Variants in FRMD5 observed in about 807,000 individuals in gnomAD.
The protein encoded by FRMD5 is FERM domain-containing protein 5.
In FRMD5, 20 loss-of-function variants were observed where a neutral mutation model predicts 69.0. That is an observed-to-expected ratio of 0.29 (90% confidence interval 0.20 to 0.42). FRMD5 has a LOEUF of 0.42. FRMD5 is among the 10% of genes least tolerant of loss of function. FRMD5 has a pLI of 1.00. For missense variants in FRMD5, 595 were observed against 708.6 expected (o/e 0.84, Z 1.82); for synonymous variants, 271 against 260.1 (o/e 1.04, Z -0.40).
intron 13 of FRMD5, among the ~76,000 whole-genome samples, chr15:43,878,381 G>T (rs1180813756): frequency 6.6e-6 from 1 of 152,208 alleles, no homozygotes; most frequent in Non-Finnish European, 1.5e-5. Context: ...CCATGGGCCA[G>T]GACGGATTAA....
chr15:44,049,505 AATAAT>A (rs1274430015), intron 1 of FRMD5, among the ~76,000 whole-genome samples: 2 of 152,228 alleles, frequency 1.3e-5, no homozygotes, highest in African/African-American at 4.8e-5. Context: ...TTTATTTATA[AATAAT>A]ATATTTGTTG....
chr15:43,902,004 T>C, intron 7 of FRMD5, 171 bp downstream of exon 7: 1 of 611,860 alleles, frequency 1.6e-6, no homozygotes, highest in East Asian at 2.7e-5. Flanking sequence ...CAAAATTATG[T>C]AGCATGTGAT....
intron 13 of FRMD5, among the ~76,000 whole-genome samples, chr15:43,875,445 A>AG (rs1248028558): frequency 6.8e-6 from 1 of 147,706 alleles, no homozygotes; most frequent in Admixed American, 6.8e-5. Flanking sequence ...ATTTTAGAAG[A>AG]GTTTTTCTTT....
At chr15:44,196,492 T>G (rs1285007951), upstream of FRMD5, among the ~76,000 whole-genome samples, 1 of 151,872 alleles carries the variant, frequency 6.6e-6, no homozygotes, top group Non-Finnish European at 1.5e-5. Context: ...CGTGTCAACA[T>G]AGAACATTAA....
At chr15:44,031,595 A>G (rs553970288) in intron 1 of FRMD5, among the ~76,000 whole-genome samples, 50 of 152,160 alleles carry the variant, frequency 3.3e-4, no homozygotes, top group African/African-American at 1.1e-3. Context: ...TATCCTCATG[A>G]CCTAACCACC....
chr15:44,154,036 A>G (rs1433993552), intron 1 of FRMD5, among the ~76,000 whole-genome samples: 1 of 152,182 alleles, frequency 6.6e-6, no homozygotes, highest in Non-Finnish European at 1.5e-5. Flanking sequence ...TTGGGAAAAA[A>G]TGTTGACGGG....
chr15:44,063,177 TAAGTAA>T (rs1168375055), intron 1 of FRMD5, among the ~76,000 whole-genome samples: 2 of 152,240 alleles, frequency 1.3e-5, no homozygotes, highest in African/African-American at 2.4e-5. Context: ...GTACAACGTA[TAAGTAA>T]ATCTATCTAG....
chr15:44,054,027 C>A (rs1319302600), intron 1 of FRMD5, among the ~76,000 whole-genome samples: 2 of 152,154 alleles, frequency 1.3e-5, no homozygotes, highest in Admixed American at 6.5e-5. Context: ...AGCACCCAAC[C>A]TTTAAAGCAT....
At chr15:43,893,310 G>A (rs1431547775) in intron 7 of FRMD5, among the ~76,000 whole-genome samples, 1 of 152,156 alleles carries the variant, frequency 6.6e-6, no homozygotes, top group Non-Finnish European at 1.5e-5. Context: ...CCAGCCCTGA[G>A]GTGCCTGAAC....
At chr15:44,177,931 T>C (rs945299130) in intron 1 of FRMD5, among the ~76,000 whole-genome samples, 1 of 152,204 alleles carries the variant, frequency 6.6e-6, no homozygotes, top group Non-Finnish European at 1.5e-5. Flanking sequence ...CCATACAAGG[T>C]AGTTACACAA....
At chr15:43,995,988 A>G (rs1889902873) in intron 1 of FRMD5, among the ~76,000 whole-genome samples, 1 of 151,246 alleles carries the variant, frequency 6.6e-6, no homozygotes. Context: ...AGGCTCCCCT[A>G]CAGGGTGGGG....
At position 44,195,091 on chromosome 15, in the gene FRMD5, C is replaced by A. The variant is rs1482664028; in HGVS notation, c.-37G>T. On this transcript the variant is annotated 5_prime_UTR_variant, in exon 1 of 14. Coordinates refer to ENST00000417257, the MANE Select transcript of FRMD5 (RefSeq NM_032892.5). Reference sequence around the variant, plus strand: ...CCCGCCCGGGAGCGACGCGGCGGCGCTGCGGACCCTGGACCAGGCGTCCCT... The same window carrying A: ...CCCGCCCGGGAGCGACGCGGCGGCGATGCGGACCCTGGACCAGGCGTCCCT... 3 of 1,469,152 alleles carry A rather than the reference C, an allele frequency of 2.0e-6. No homozygotes were observed. In the East Asian group the frequency reaches 7.9e-5, roughly 39 times the overall value. 91.0% of individuals were successfully genotyped at this position (1,469,152 alleles called of 1,614,324 possible).
At chr15:44,113,817 C>T (rs1054720842) in intron 1 of FRMD5, among the ~76,000 whole-genome samples, 3 of 152,122 alleles carry the variant, frequency 2.0e-5, no homozygotes, top group African/African-American at 7.2e-5. Context: ...ATGGGAATCA[C>T]GACACACTCG....
chr15:44,107,613 C>T (rs1331425963), intron 1 of FRMD5, among the ~76,000 whole-genome samples: 2 of 152,138 alleles, frequency 1.3e-5, no homozygotes, highest in Non-Finnish European at 2.9e-5. Flanking sequence ...CAACAGCTCT[C>T]ATGAAGCTGC....
rs1392053351 is a variant in FRMD5, at chr15:44,194,933, C to T, written c.102+20G>A. 2.0e-6 allele frequency: 3 copies of T among 1,509,040 alleles called. No homozygotes were observed. The highest frequency in any genetic ancestry group is 1.8e-6 in the Non-Finnish European group (2 of 1,130,028). The allele number at this position is 1,509,040 out of a possible 1,614,324, so 93.5% of individuals were successfully genotyped here. ...GGACAAGGGGGTCCCGCGGGCGGGG[C>T]GGGGCGGCGCGGCGCTGACCTGGAT... On this transcript the variant is annotated intron_variant, in intron 1 of 13. Coordinates refer to ENST00000417257, the MANE Select transcript of FRMD5 (RefSeq NM_032892.5).
At chr15:44,088,950 A>G (rs1040403685) in intron 1 of FRMD5, among the ~76,000 whole-genome samples, 1 of 152,202 alleles carries the variant, frequency 6.6e-6, no homozygotes, top group African/African-American at 2.4e-5. Flanking sequence ...CTCCTGACCC[A>G]GTCAAAGTGG....
chr15:44,079,484 C>T (rs1179474585), intron 1 of FRMD5, among the ~76,000 whole-genome samples: 3 of 152,076 alleles, frequency 2.0e-5, no homozygotes, highest in Non-Finnish European at 4.4e-5. Flanking sequence ...TCCATTGGAG[C>T]CAAGGAGTTC....
intron 2 of FRMD5, among the ~76,000 whole-genome samples, chr15:43,922,207 A>T (rs774695339): frequency 1.3e-5 from 2 of 152,240 alleles, no homozygotes; most frequent in Non-Finnish European, 2.9e-5. Context: ...CCCTGGAGTC[A>T]AACAGGTCTG....
At chr15:43,986,758 G>A (rs937048849) in intron 1 of FRMD5, among the ~76,000 whole-genome samples, 3 of 149,562 alleles carry the variant, frequency 2.0e-5, no homozygotes, top group Non-Finnish European at 4.4e-5. Flanking sequence ...TGGTTTTATT[G>A]TGCTTCACTT....
Sources: gnomAD v4.1 joint callset for allele counts (sites outside exome capture counted in the v4.1 genomes callset) on GRCh38, gnomAD v4.1.1 for gene constraint, MANE v1.5 for transcripts, NCBI Gene and HGNC (gene_info 2026-07-23, HGNC 2026-07-21) for gene names.